PGCKA1: variants seen among roughly 807,000 people sequenced by gnomAD.
PGCKA1 encodes PDCD10 and GCKIII kinases-associated protein 1.
At chr4:37,454,553 C>A in the PGCKA1 span, among the ~76,000 whole-genome samples, 83 of 152,238 alleles carry the variant, frequency 5.5e-4, no homozygotes, top group African/African-American at 2.0e-3. Flanking sequence ...GGGGTGCTGG[C>A]GGCCTGGGCA....
chr4:37,453,960 C>G, the PGCKA1 span: 6 of 156,252 alleles, frequency 3.8e-5, no homozygotes, highest in African/African-American at 1.4e-4. Flanking sequence ...GCTAGCGTCT[C>G]CCGGCGCGGC....
the PGCKA1 span, among the ~76,000 whole-genome samples, chr4:37,485,529 C>T: frequency 2.0e-5 from 3 of 152,100 alleles, no homozygotes; most frequent in Non-Finnish European, 2.9e-5. Flanking sequence ...CCTTGACTTC[C>T]CAGCCTCCAG....
the PGCKA1 span, among the ~76,000 whole-genome samples, chr4:37,577,410 A>G: frequency 1.3e-5 from 2 of 152,212 alleles, no homozygotes; most frequent in African/African-American, 2.4e-5. Flanking sequence ...CTGCAGTATC[A>G]GTCGTAATGT....
the PGCKA1 span, among the ~76,000 whole-genome samples, chr4:37,569,633 C>T: frequency 6.6e-6 from 1 of 152,152 alleles, no homozygotes; most frequent in Non-Finnish European, 1.5e-5. Context: ...GCAGATTTTT[C>T]AGAAGTATTC....
the PGCKA1 span, among the ~76,000 whole-genome samples, chr4:37,545,143 A>G: frequency 1.4e-3 from 210 of 152,236 alleles, 1 homozygote; most frequent in Non-Finnish European, 1.7e-3. Flanking sequence ...GGCCTGAGCC[A>G]CCGCGCCTGG....
chr4:37,456,393 T>C, the PGCKA1 span, among the ~76,000 whole-genome samples: 2 of 152,168 alleles, frequency 1.3e-5, no homozygotes, highest in African/African-American at 4.8e-5. Flanking sequence ...GACTGTAGAT[T>C]ATCAAATAAT....
the PGCKA1 span, among the ~76,000 whole-genome samples, chr4:37,580,596 G>A: frequency 3.3e-4 from 51 of 152,290 alleles, no homozygotes; most frequent in African/African-American, 1.2e-3. Flanking sequence ...GCAGACTCTT[G>A]TTCCCCAAAC....
At chr4:37,538,255 G>C in the PGCKA1 span, among the ~76,000 whole-genome samples, 5 of 152,188 alleles carry the variant, frequency 3.3e-5, no homozygotes, top group African/African-American at 1.2e-4. Context: ...CCTGGGTTCT[G>C]CTTCATTCCA....
chr4:37,515,715 A>G, the PGCKA1 span, among the ~76,000 whole-genome samples: 1 of 152,238 alleles, frequency 6.6e-6, no homozygotes, highest in South Asian at 2.1e-4. Flanking sequence ...AAATTGAGAC[A>G]ATAGTAAAAA....
At chr4:37,500,166 T>C in the PGCKA1 span, among the ~76,000 whole-genome samples, 22 of 152,220 alleles carry the variant, frequency 1.4e-4, no homozygotes, top group African/African-American at 4.8e-4. Flanking sequence ...CCTCGTGATC[T>C]GTCCGCCTCA....
chr4:37,477,284 A>C, the PGCKA1 span, among the ~76,000 whole-genome samples: 1 of 152,212 alleles, frequency 6.6e-6, no homozygotes, highest in Non-Finnish European at 1.5e-5. Context: ...TAAGGGAAAG[A>C]AACCAGACAC....
chr4:37,470,062 T>G, the PGCKA1 span, among the ~76,000 whole-genome samples: 1 of 152,214 alleles, frequency 6.6e-6, no homozygotes, highest in African/African-American at 2.4e-5. Flanking sequence ...CAAATATGTA[T>G]TGAACATCTC....
chr4:37,560,781 T>C, the PGCKA1 span, among the ~76,000 whole-genome samples: 1 of 151,844 alleles, frequency 6.6e-6, no homozygotes, highest in African/African-American at 2.4e-5. Context: ...CTTTCTAAGG[T>C]GTATTTCTTC....
the PGCKA1 span, among the ~76,000 whole-genome samples, chr4:37,475,092 GT>G: frequency 4.5e-4 from 69 of 152,216 alleles, 1 homozygote; most frequent in East Asian, 0.01. Flanking sequence ...CCTACTGATG[GT>G]TTAGGAAAAA....
the PGCKA1 span, among the ~76,000 whole-genome samples, chr4:37,573,547 A>G: frequency 1.4e-3 from 204 of 150,954 alleles, 1 homozygote; most frequent in African/African-American, 4.8e-3. Flanking sequence ...GATTTCCACA[A>G]AACTGTGATT....
chr4:37,480,291 G>A, the PGCKA1 span, among the ~76,000 whole-genome samples: 1 of 152,174 alleles, frequency 6.6e-6, no homozygotes, highest in East Asian at 1.9e-4. Flanking sequence ...TCAGGAGTTC[G>A]AGACCAGCCT....
chr4:37,575,997 ATC>A, the PGCKA1 span, among the ~76,000 whole-genome samples: 1 of 152,062 alleles, frequency 6.6e-6, no homozygotes, highest in Non-Finnish European at 1.5e-5. Context: ...CGATTACTAT[ATC>A]TCTGTAGTGT....
the PGCKA1 span, among the ~76,000 whole-genome samples, chr4:37,582,674 G>A: frequency 6.6e-6 from 1 of 152,192 alleles, no homozygotes. Context: ...AATCACAGAA[G>A]TGAGGCTAAG....
chr4:37,581,631 C>T, the PGCKA1 span, among the ~76,000 whole-genome samples: 11 of 152,132 alleles, frequency 7.2e-5, no homozygotes, highest in African/African-American at 2.7e-4. The surrounding 1 kb of genome is among the most constrained non-coding windows in gnomAD (Gnocchi z 4.4). Context: ...AGACAAAGTC[C>T]TCTTTACTCT....
Sources: gnomAD v4.1 joint callset for allele counts (sites outside exome capture counted in the v4.1 genomes callset) on GRCh38, gnomAD v4.1.1 for gene constraint, Gnocchi (gnomAD v3.1) non-coding constraint, MANE v1.5 for transcripts, NCBI Gene and HGNC (gene_info 2026-07-23, HGNC 2026-07-21) for gene names.